Variants in UGT1A9 observed in about 807,000 individuals in gnomAD.
UGT1A9 encodes UDP-glucuronosyltransferase 1A9.
In UGT1A9, 35 loss-of-function variants were observed where a neutral mutation model predicts 45.0. The ratio of observed to expected loss-of-function variants is 0.78; its 90% confidence interval spans 0.59 to 1.03. The LOEUF (loss-of-function observed/expected upper bound fraction) is 1.03, where lower values mean the gene tolerates loss of function less well. Among genes scored for constraint, UGT1A9 ranks in the 50% least tolerant of loss-of-function variants. The pLI, the probability that UGT1A9 is intolerant of heterozygous loss-of-function variation, is 0.00. For missense variants in UGT1A9, 687 were observed against 666.6 expected, an observed-to-expected ratio of 1.03 and a Z score of -0.34; for synonymous variants, 278 against 250.6, an observed-to-expected ratio of 1.11 and a Z score of -1.03.
intron 1 of UGT1A9, among the ~76,000 whole-genome samples, chr2:233,678,168 A>G (rs7587916): frequency 0.65 from 98,049 of 152,002 alleles, 32,118 homozygotes; most frequent in African/African-American, 0.73. Flanking sequence ...GACTCCTAAA[A>G]GGGAGAGGAA....
intron 1 of UGT1A9, chr2:233,747,953 T>A (rs1693820704): frequency 6.2e-7 from 1 of 1,613,400 alleles, no homozygotes; most frequent in Admixed American, 1.7e-5. Flanking sequence ...CAGTGGTGGA[T>A]CTTCTCAGCC....
chr2:233,755,205 G>C (rs1172737819), intron 1 of UGT1A9: 1 of 1,079,818 alleles, frequency 9.3e-7, no homozygotes, highest in East Asian at 4.8e-5. Flanking sequence ...CTTGCGGTAC[G>C]CCTTCTTGAT....
At chr2:233,690,042 AT>A in intron 1 of UGT1A9, 1 of 411,996 alleles carries the variant, frequency 2.4e-6, no homozygotes, top group South Asian at 1.8e-5. Flanking sequence ...GGCCCAGAGC[AT>A]TCTGACTTCT....
chr2:233,700,726 TTTA>T lies in UGT1A9; in HGVS notation c.855+27948_855+27950del, dbSNP rs904006710. ...AATGTTTTTTTCTTTTTTTAAAAAT[TTTA>T]TTATTATTATACTTTAAGTTTTAGG... On this transcript the variant is annotated intron_variant, in intron 1 of 4. Coordinates refer to ENST00000354728, the MANE Select transcript of UGT1A9 (RefSeq NM_021027.3). Among the ~76,000 whole-genome samples the T allele has an allele frequency of 5.9e-5, 9 of 152,186 alleles. No individual in the cohort carries two copies. In the South Asian group the frequency reaches 6.2e-4, roughly 11 times the overall value.
At chr2:233,712,692 T>C (rs1221158170) in intron 1 of UGT1A9, among the ~76,000 whole-genome samples, 1 of 152,126 alleles carries the variant, frequency 6.6e-6, no homozygotes, top group Non-Finnish European at 1.5e-5. Context: ...AAATGGGGGT[T>C]CACAGCCTTG....
chr2:233,737,300 G>T (rs1006795480), intron 1 of UGT1A9, among the ~76,000 whole-genome samples: 5 of 152,240 alleles, frequency 3.3e-5, no homozygotes, highest in Admixed American at 2.0e-4. Context: ...CCGCCTCACA[G>T]TTCAATCTCA....
chr2:233,729,371 T>C, intron 1 of UGT1A9: 2 of 1,614,096 alleles, frequency 1.2e-6, no homozygotes, highest in Non-Finnish European at 8.5e-7. Flanking sequence ...ACCTATGCCA[T>C]TTCGTGGACC....
At position 233,736,787 on chromosome 2, in the gene UGT1A9, G is replaced by T. The variant is rs564924553; in HGVS notation, c.856-30247G>T. Reference sequence around the variant, plus strand: ...TAACAGTCAGATCCCTCAGCTGCAGGTCTGTTGGAGTTTGCTGGAGGTCCA... The same window carrying T: ...TAACAGTCAGATCCCTCAGCTGCAGTTCTGTTGGAGTTTGCTGGAGGTCCA... On this transcript the variant is annotated intron_variant, in intron 1 of 4. Coordinates refer to ENST00000354728, the MANE Select transcript of UGT1A9 (RefSeq NM_021027.3). Among the ~76,000 whole-genome samples the T allele has an allele frequency of 1.5e-3, 227 of 152,276 alleles. 2 individuals carry two copies. The highest frequency in any genetic ancestry group is 5.1e-3 in the African/African-American group (213 of 41,548).
intron 1 of UGT1A9, chr2:233,690,465 T>C: frequency 1.6e-6 from 2 of 1,289,152 alleles, no homozygotes; most frequent in African/African-American, 3.0e-5. Context: ...CCAGCTATCC[T>C]CCATTTACTT....
intron 1 of UGT1A9, chr2:233,750,653 C>CT (rs915876685): frequency 6.6e-6 from 1 of 151,896 alleles, no homozygotes; most frequent in African/African-American, 2.4e-5. Flanking sequence ...AGCCTCAGGA[C>CT]TTGGTGCCCT....
At chr2:233,728,033 A>T (rs1286905135) in intron 1 of UGT1A9, among the ~76,000 whole-genome samples, 1 of 152,230 alleles carries the variant, frequency 6.6e-6, no homozygotes, top group African/African-American at 2.4e-5. Context: ...TTTCTGGAGT[A>T]GGATAAGCCT....
chr2:233,720,665 C>T (rs2076879709), intron 1 of UGT1A9, among the ~76,000 whole-genome samples: 1 of 151,682 alleles, frequency 6.6e-6, no homozygotes, highest in South Asian at 2.1e-4. Flanking sequence ...AATTCACACA[C>T]CAATGAATTT....
rs373895890 is a variant in UGT1A9 at position 233,713,391 on chromosome 2, A to G, written c.855+40602A>G. 9.0e-5 allele frequency: 146 copies of G among 1,614,152 alleles called. No homozygotes were observed. The highest frequency in any genetic ancestry group is 1.2e-4 in the Non-Finnish European group (139 of 1,180,034). ...TAGGTCTTGTGTGGAGCTACTGCAT[A>G]ATGAGGCCCTGATCAGGCACCTGCA... On this transcript the variant is annotated intron_variant, in intron 1 of 4. Coordinates refer to ENST00000354728, the MANE Select transcript of UGT1A9 (RefSeq NM_021027.3).
chr2:233,758,758 G>C (rs1696968653), intron 1 of UGT1A9, among the ~76,000 whole-genome samples: 1 of 152,210 alleles, frequency 6.6e-6, no homozygotes, highest in Non-Finnish European at 1.5e-5. Context: ...CCAGTGATGT[G>C]TATGGTTCAA....
intron 1 of UGT1A9, among the ~76,000 whole-genome samples, chr2:233,701,487 A>G (rs1350791546): frequency 2.0e-5 from 3 of 152,174 alleles, no homozygotes; most frequent in African/African-American, 7.2e-5. Context: ...CTCTGCACCA[A>G]GCGGACCTAA....
At chr2:233,729,824 G>T in intron 1 of UGT1A9, 1 of 1,613,884 alleles carries the variant, frequency 6.2e-7, no homozygotes, top group Non-Finnish European at 8.5e-7. Flanking sequence ...CCTTATGCAA[G>T]CCTTGCCTCT....
At chr2:233,720,737 G>A (rs1402303437) in intron 1 of UGT1A9, among the ~76,000 whole-genome samples, 14 of 144,628 alleles carry the variant, frequency 9.7e-5, no homozygotes, top group African/African-American at 2.3e-4. Flanking sequence ...ACTGAGCCTC[G>A]TTCTGTCGCC....
Position 233,739,198 on chromosome 2 carries a change from G to A in UGT1A9, c.856-27836G>A, listed in dbSNP as rs555664061. On this transcript the variant is annotated intron_variant, in intron 1 of 4. Coordinates refer to ENST00000354728, the MANE Select transcript of UGT1A9 (RefSeq NM_021027.3). ...GAAATGCTTGGATGTCCAGGCAGAC[G>A]TTTGCTGCATGGATAGAGTCCTTAT... 7.2e-5 allele frequency: 11 copies of A among 152,362 alleles called. No individual in the cohort carries two copies. The East Asian group carries it at 9.6e-4, about 13-fold the overall frequency. 9.4% of individuals were successfully genotyped at this position (152,362 alleles called of 1,614,324 possible).
chr2:233,737,246 C>T (rs535872842), intron 1 of UGT1A9, among the ~76,000 whole-genome samples: 57 of 152,356 alleles, frequency 3.7e-4, no homozygotes, highest in African/African-American at 1.3e-3. Flanking sequence ...TGTTTACCTA[C>T]TCAAGCCTCA....
Sources: allele counts gnomAD v4.1 joint callset (sites outside exome capture counted in the v4.1 genomes callset), GRCh38; gene constraint gnomAD v4.1.1; transcripts MANE v1.5; gene names NCBI Gene and HGNC (gene_info 2026-07-23, HGNC 2026-07-21).